The following IL3RA variants were observed in gnomAD, a reference collection of about 807,000 sequenced individuals.
IL3RA encodes interleukin-3 receptor subunit alpha.
A neutral mutation model predicts 52.3 loss-of-function variants in IL3RA; 73 were observed. The ratio of observed to expected loss-of-function variants is 1.40; its 90% CI spans 1.16 to 1.70. IL3RA has a LOEUF of 1.70. Among genes scored for constraint, IL3RA ranks in the 40% most tolerant of loss-of-function variants. The pLI is 0.00. For missense variants in IL3RA, 664 were observed against 504.4 expected (o/e 1.32, Z -3.03); for synonymous variants, 260 against 194.0 (o/e 1.34, Z -2.83).
chrX:1,365,318 G>A (rs1291747585), intron 9 of IL3RA, 66 bp downstream of exon 9: 32 of 1,078,578 alleles, frequency 3.0e-5, no homozygotes, highest in Admixed American at 1.5e-4. Context: ...TGAGCGGGGT[G>A]CGCGGGGTGA....
intron 2 of IL3RA, among the ~76,000 whole-genome samples, chrX:1,344,344 T>G (rs1443190136): frequency 1.3e-5 from 2 of 150,584 alleles, no homozygotes; most frequent in Admixed American, 1.3e-4. Context: ...TGACACAGGA[T>G]AATCGCTTGA....
At position 1,352,480 on chromosome X, in the gene IL3RA, A is replaced by AT. The variant is rs749183808; in HGVS notation, c.591dup (p.Lys198Ter). 1,345 of 1,613,678 alleles carry AT rather than the reference A, an allele frequency of 8.3e-4. 4 individuals carry two copies. The highest frequency in any genetic ancestry group is 1.1e-3 in the Non-Finnish European group (1,256 of 1,179,792). ...GCAGCCTTCGGTATCCCCTGCACAG[A>AT]TAAGTTTGTCGTCTTTTCACAGATT... On this transcript the variant is annotated frameshift_variant, in exon 6 of 12. Transcript: ENST00000331035. LOFTEE classifies it high-confidence loss of function.
chrX:1,364,007 CCT>C (rs1387379408), intron 8 of IL3RA, among the ~76,000 whole-genome samples: 1 of 149,038 alleles, frequency 6.7e-6, no homozygotes, highest in Admixed American at 6.7e-5. Flanking sequence ...ATGGTGAAAC[CCT>C]GTCTCTACTA....
In IL3RA at chrX:1,382,372, CCTCCT is replaced by C. The variant is rs1461573807; in HGVS notation, c.1063-15_1063-11del. 31 of 1,611,254 alleles carry C rather than the reference CCTCCT, an allele frequency of 1.9e-5. No individual in the cohort carries two copies. The highest frequency in any genetic ancestry group is 2.5e-5 in the Non-Finnish European group (29 of 1,177,858). On this transcript the variant is annotated splice_polypyrimidine_tract_variant and intron_variant, in intron 11 of 11. Transcript: ENST00000331035. ...TCTGGGGGGTGGCCGACTCACCCTG[CCTCCT>C]CTCGTCTCTGCAGGTGGTCTGGGAG...
chrX:1,343,007 G>T (rs1211419679), intron 2 of IL3RA, among the ~76,000 whole-genome samples: 1 of 151,874 alleles, frequency 6.6e-6, no homozygotes, highest in East Asian at 2.0e-4. Flanking sequence ...CCCGGGAGGA[G>T]GAGGTTGCAG....
chrX:1,349,469 C>T (rs1243920246), intron 4 of IL3RA, among the ~76,000 whole-genome samples: 147 of 150,886 alleles, frequency 9.7e-4, no homozygotes, highest in Non-Finnish European at 1.3e-3. Context: ...GGTGAGCCAC[C>T]GCGCCCAGCC....
At position 1,349,052 on chromosome X, in the gene IL3RA, GGCTGGAGC is replaced by G. The variant is rs1344141416; in HGVS notation, c.298+510_298+517del. 5.4e-5 allele frequency among the ~76,000 whole-genome samples: 8 copies of G among 148,520 alleles called. No individual in the cohort carries two copies. The East Asian group carries it at 1.4e-3, about 27-fold the overall frequency. ...TGACACGGTCTTGCTCTGTTGCCCA[GGCTGGAGC>G]GCAGTGGTGCAATCACAGCTTACTG... On this transcript the variant is annotated intron_variant, in intron 4 of 11. Transcript: ENST00000331035.
intron 3 of IL3RA, 68 bp downstream of exon 3, chrX:1,345,502 T>A: frequency 8.8e-7 from 1 of 1,130,466 alleles, no homozygotes; most frequent in East Asian, 2.9e-5. Flanking sequence ...TATTTATTTA[T>A]TTTTTGAGAC....
At chrX:1,356,464 TAAAAAA>T (rs1163955072) in intron 7 of IL3RA, 128 bp downstream of exon 7, 8 of 641,942 alleles carry the variant, frequency 1.2e-5, no homozygotes, top group African/African-American at 1.1e-4. Context: ...CATGGATCAT[TAAAAAA>T]CAAAAACAAA....
chrX:1,339,617 C>A (rs764719537), intron 1 of IL3RA, among the ~76,000 whole-genome samples: 5 of 152,228 alleles, frequency 3.3e-5, no homozygotes, highest in African/African-American at 1.2e-4. Context: ...CATGGTGAAA[C>A]ACCATCTCTA....
At chrX:1,367,410 A>C (rs1473057702) in intron 9 of IL3RA, among the ~76,000 whole-genome samples, 1 of 28,404 alleles carries the variant, frequency 3.5e-5, no homozygotes, top group Non-Finnish European at 6.1e-5. Flanking sequence ...GCGCGGGGTG[A>C]GCCGGGTGCG....
In IL3RA at chrX:1,378,757, TG is replaced by T; in HGVS notation, c.974del (p.Cys325SerfsTer6). ...GGCCCTGGTCTGTGTCTTCGTGATC[TG>T]CAGAAGGTGAGCCCTCGAGGGCGTC... ...LLALVCVFVI[C>X]RRYLVMQRLF... On this transcript the variant is annotated frameshift_variant, in exon 10 of 12. Coordinates refer to ENST00000331035, the MANE Select transcript of IL3RA (RefSeq NM_002183.4). LOFTEE classifies it high-confidence loss of function. The T allele has an allele frequency of 6.2e-7, 1 of 1,612,336 alleles. No homozygotes were observed. Among genetic ancestry groups the T allele is most frequent in the Non-Finnish European group, 8.5e-7 (1 of 1,179,780 alleles).
intron 9 of IL3RA, among the ~76,000 whole-genome samples, chrX:1,370,801 GA>G (rs1462919231): frequency 2.6e-5 from 2 of 77,866 alleles, no homozygotes; most frequent in Non-Finnish European, 4.7e-5. Flanking sequence ...ACGACCCTGT[GA>G]GGACACAGGG....
rs73178951 is a variant in IL3RA at position 1,351,309 on chromosome X, C to A, written c.299-791C>A. ...TACCATGGTCTCAAAATACAAAAGG[C>A]ACTCTAAAAAGGAATTAGAGTTTTA... On this transcript the variant is annotated intron_variant, in intron 4 of 11. Transcript: ENST00000331035. Among the ~76,000 whole-genome samples, 4 of 149,446 alleles carry A rather than the reference C, an allele frequency of 2.7e-5. No homozygotes were observed. The Admixed American group carries it at 2.7e-4, about 10-fold the overall frequency.
At chrX:1,361,736 G>C (rs1207855454) in intron 8 of IL3RA, among the ~76,000 whole-genome samples, 3 of 132,040 alleles carry the variant, frequency 2.3e-5, no homozygotes, top group Non-Finnish European at 4.6e-5. Flanking sequence ...CTGGGTGACA[G>C]AGTGAGACTC....
At chrX:1,378,478 T>TGCAGGTGGCCC (rs1220895454) in intron 9 of IL3RA, among the ~76,000 whole-genome samples, 181 bp from the exon 10 acceptor site, 1 of 152,188 alleles carries the variant, frequency 6.6e-6, no homozygotes, top group South Asian at 2.1e-4. Flanking sequence ...TCAGGTGGCC[T>TGCAGGTGGCCC]GCAGGTGGCC....
chrX:1,347,384 G>T (rs2085795804), intron 3 of IL3RA, among the ~76,000 whole-genome samples: 2 of 151,488 alleles, frequency 1.3e-5, no homozygotes, highest in South Asian at 4.2e-4. Flanking sequence ...GCAGAAGCTT[G>T]CAGTGAGCCG....
intron 2 of IL3RA, among the ~76,000 whole-genome samples, chrX:1,345,061 C>T (rs867544970): frequency 1.1e-4 from 16 of 150,522 alleles, no homozygotes; most frequent in Non-Finnish European, 1.8e-4. Context: ...CCCAGCTACT[C>T]GGGAGGCTGA....
rs142886472 is a variant in IL3RA at position 1,352,985 on chromosome X, C to T, written c.616+479C>T. Among the ~76,000 whole-genome samples, 62 of 104,628 alleles carry T rather than the reference C, an allele frequency of 5.9e-4. 7 individuals carry two copies. Among genetic ancestry groups the T allele is most frequent in the African/African-American group, 2.4e-3 (59 of 25,102 alleles). 68.6% of individuals were successfully genotyped at this position (104,628 alleles called of 152,430 possible). A position where few individuals can be genotyped will look rare whatever the true frequency, so the allele number is the denominator to read the frequency against. ...TGGGTCCCATCATGGTTCATAGGAT[C>T]CCCCATCATGGGTTTCATCATGAGT... On this transcript the variant is annotated intron_variant, in intron 6 of 11. Coordinates refer to ENST00000331035, the MANE Select transcript of IL3RA (RefSeq NM_002183.4).
Sources: gnomAD v4.1 joint callset for allele counts (sites outside exome capture counted in the v4.1 genomes callset) on GRCh38, gnomAD v4.1.1 for gene constraint, MANE v1.5 for transcripts, NCBI Gene and HGNC (gene_info 2026-07-23, HGNC 2026-07-21) for gene names.